The following PDIA3 variants were observed in gnomAD, a reference collection of about 807,000 sequenced individuals.
PDIA3 encodes protein disulfide-isomerase A3.
In PDIA3, 16 loss-of-function variants were observed where a neutral mutation model predicts 56.9. The ratio of observed to expected loss-of-function variants is 0.28; its 90% CI spans 0.19 to 0.43. The LOEUF is 0.43. PDIA3 is among the 20% of genes least tolerant of loss of function. The probability of loss-of-function intolerance (pLI) is 1.00; values close to 1 mark genes in which losing one functional copy is unlikely to be tolerated. For missense variants in PDIA3, 485 were observed against 621.3 expected, an observed-to-expected ratio of 0.78 and a Z score of 2.33; for synonymous variants, 192 against 216.5, an observed-to-expected ratio of 0.89 and a Z score of 0.99.
At chr15:43,757,418 C>T (rs1276155162) in intron 3 of PDIA3, among the ~76,000 whole-genome samples, 2 of 151,344 alleles carry the variant, frequency 1.3e-5, no homozygotes, top group Non-Finnish European at 1.5e-5. Context: ...ATTAGCCGGG[C>T]GTGGTGGCGG....
intron 1 of PDIA3, 60 bp downstream of exon 1, chr15:43,746,766 C>G: frequency 6.3e-7 from 1 of 1,578,736 alleles, no homozygotes; most frequent in Non-Finnish European, 8.7e-7. Context: ...GGCGAGAGCG[C>G]GGGGAACTGT....
intron 1 of PDIA3, among the ~76,000 whole-genome samples, chr15:43,750,513 C>T (rs768034641): frequency 1.3e-5 from 2 of 151,662 alleles, no homozygotes; most frequent in African/African-American, 4.8e-5. Flanking sequence ...CGGTGGCTCA[C>T]GCCTGTAATC....
chr15:43,746,529 A>G lies in PDIA3; in HGVS notation c.-11A>G. The G allele has an allele frequency of 6.3e-7, 1 of 1,586,704 alleles. No homozygotes were observed. The highest frequency in any genetic ancestry group is 1.1e-5 in the South Asian group (1 of 89,264). The stretch of plus-strand genomic sequence containing the variant: ...CGACCCTTCCGGCCGTCCCCACCCC[A>G]CCTCGCCGCCATGCGCCTCCGCCGC... On this transcript the variant is annotated 5_prime_UTR_variant, in exon 1 of 13. Transcript: ENST00000300289.
At chr15:43,751,223 A>T (rs28653631) in intron 1 of PDIA3, among the ~76,000 whole-genome samples, 2,691 of 148,238 alleles carry the variant, frequency 0.018, 40 homozygotes, top group Middle Eastern at 0.041. Context: ...TTTAGCTCAT[A>T]TTTTTTTTTT....
intron 1 of PDIA3, chr15:43,752,866 A>G (rs1340256796): frequency 2.1e-6 from 1 of 471,098 alleles, no homozygotes; most frequent in Non-Finnish European, 4.4e-6. Flanking sequence ...AAGGTGATGT[A>G]CAGCTGGTGC....
intron 3 of PDIA3, among the ~76,000 whole-genome samples, chr15:43,757,809 C>A (rs1355716464): frequency 2.6e-5 from 4 of 151,284 alleles, no homozygotes; most frequent in Non-Finnish European, 5.9e-5. Flanking sequence ...TTGCAGTGAG[C>A]CAAGATTGTG....
At chr15:43,767,647 G>A (rs1399874742) in intron 8 of PDIA3, among the ~76,000 whole-genome samples, 9 of 151,440 alleles carry the variant, frequency 5.9e-5, no homozygotes, top group Admixed American at 2.6e-4. Context: ...GTGCGCACCT[G>A]TAATTCCAGC....
intron 5 of PDIA3, among the ~76,000 whole-genome samples, chr15:43,764,186 A>G (rs902483623): frequency 3.3e-5 from 5 of 152,176 alleles, no homozygotes; most frequent in Admixed American, 3.3e-4. Flanking sequence ...CTGATCTTTC[A>G]CAAAAACAAT....
At chr15:43,767,407 G>T (rs933562176) in intron 8 of PDIA3, among the ~76,000 whole-genome samples, 28 of 152,110 alleles carry the variant, frequency 1.8e-4, no homozygotes, top group Admixed American at 1.8e-3. Flanking sequence ...TAAGGATTAT[G>T]ATCCTTAATG....
At chr15:43,764,866 G>A (rs887298707) in intron 5 of PDIA3, among the ~76,000 whole-genome samples, 1 of 152,178 alleles carries the variant, frequency 6.6e-6, no homozygotes, top group Non-Finnish European at 1.5e-5. Context: ...CTGGTCCAAC[G>A]TGTTTGGAAT....
chr15:43,761,728 A>C (rs1416774178), intron 4 of PDIA3, among the ~76,000 whole-genome samples, 197 bp downstream of exon 4: 2 of 151,982 alleles, frequency 1.3e-5, no homozygotes, highest in African/African-American at 4.8e-5. Flanking sequence ...TGTAATTATA[A>C]TGTGGGGGGC....
At chr15:43,750,087 T>A (rs2086733999) in intron 1 of PDIA3, among the ~76,000 whole-genome samples, 2 of 151,914 alleles carry the variant, frequency 1.3e-5, no homozygotes, top group Admixed American at 6.6e-5. Flanking sequence ...TTTTTTTTTT[T>A]TGAGACAGTC....
At position 43,770,551 on chromosome 15, in the gene PDIA3, A is replaced by G. The variant is rs1374440690; in HGVS notation, c.1375A>G (p.Asn459Asp). The G allele has an allele frequency of 1.2e-6, 2 of 1,612,056 alleles. No homozygotes were observed. Among genetic ancestry groups the G allele is most frequent in the African/African-American group, 2.7e-5 (2 of 75,032 alleles). The change falls in exon 12 of 13, where the codon AAC becomes GAC. Residue 459 changes from asparagine to aspartate, a missense_variant. Physicochemically the swap from Asn to Asp is conservative, Grantham distance 23. Coordinates refer to ENST00000300289, the MANE Select transcript of PDIA3 (RefSeq NM_005313.5). ...TCCTACCATATACTTCTCTCCAGCC[A>G]ACAAGAAGCTAAATCCAAAGAAATA... ...GFPTIYFSPANKKLNPKKYEG... is the reference protein window; with the variant it reads ...GFPTIYFSPADKKLNPKKYEG...
intron 1 of PDIA3, among the ~76,000 whole-genome samples, chr15:43,748,759 G>T (rs1178487740): frequency 8.7e-5 from 13 of 149,432 alleles, no homozygotes; most frequent in African/African-American, 3.0e-4. Context: ...TTTTTTTTGT[G>T]TGTGTGTTTG....
chr15:43,764,798 C>CT (rs2086837866), intron 5 of PDIA3, among the ~76,000 whole-genome samples: 1 of 152,146 alleles, frequency 6.6e-6, no homozygotes, highest in African/African-American at 2.4e-5. Flanking sequence ...TGAAAATCTA[C>CT]TCTAACCCCC....
chr15:43,766,103 G>A (rs2141655530), intron 7 of PDIA3, 91 bp downstream of exon 7: 3 of 742,576 alleles, frequency 4.0e-6, no homozygotes, highest in East Asian at 3.7e-5. Flanking sequence ...TTAAGAATCT[G>A]TAAAACAATA....
At chr15:43,761,362 A>G (rs1015492522) in intron 3 of PDIA3, 62 bp from the exon 4 acceptor site, 8 of 870,460 alleles carry the variant, frequency 9.2e-6, no homozygotes, top group African/African-American at 1.7e-5. Flanking sequence ...AATGATGAAT[A>G]ATTGCCTTCT....
At chr15:43,753,011 T>C in intron 1 of PDIA3, 1 of 386,908 alleles carries the variant, frequency 2.6e-6, no homozygotes, top group South Asian at 1.8e-5. Context: ...GCTGTAAAAA[T>C]CAGGCCTGCC....
intron 1 of PDIA3, among the ~76,000 whole-genome samples, chr15:43,749,007 G>A (rs529821915): frequency 4.6e-5 from 7 of 152,124 alleles, no homozygotes; most frequent in Admixed American, 3.3e-4. Context: ...CTGACTTCAG[G>A]TGATCTGCCC....
Sources: gnomAD v4.1 joint callset for allele counts (sites outside exome capture counted in the v4.1 genomes callset) on GRCh38, gnomAD v4.1.1 for gene constraint, MANE v1.5 for transcripts, NCBI Gene and HGNC (gene_info 2026-07-23, HGNC 2026-07-21) for gene names.